PCDHA5: variants seen among roughly 807,000 people sequenced by gnomAD.
PCDHA5 encodes protocadherin alpha 5.
Under a neutral mutation model 61.6 loss-of-function variants are expected in PCDHA5, and 43 were observed. The observed-to-expected ratio is 0.70, with a 90% CI of 0.55 to 0.90. The LOEUF (loss-of-function observed/expected upper bound fraction) is 0.90, where lower values mean the gene tolerates loss of function less well. Among genes scored for constraint, PCDHA5 ranks in the 40% least tolerant of loss-of-function variants. The pLI, the probability that PCDHA5 is intolerant of heterozygous loss-of-function variation, is 0.00. For synonymous variants in PCDHA5, 627 were observed against 543.9 expected, an observed-to-expected ratio of 1.15 and a Z score of -2.13; for missense variants, 1,298 against 1,222.7, an observed-to-expected ratio of 1.06 and a Z score of -0.92.
chr5:140,839,338 AG>A (rs2150296431), intron 1 of PCDHA5, among the ~76,000 whole-genome samples: 1 of 151,246 alleles, frequency 6.6e-6, no homozygotes, highest in Non-Finnish European at 1.5e-5. Context: ...TGAAGTTGAT[AG>A]GGGATCCTCC....
chr5:140,835,433 G>A lies in PCDHA5; in HGVS notation c.2352+11306G>A, dbSNP rs2150235637. 11 of 1,613,904 alleles carry A rather than the reference G, an allele frequency of 6.8e-6. 1 individual carries two copies. The South Asian group carries it at 1.2e-4, about 18-fold the overall frequency. ...ATGTAAATGACAATGCTCCACAGTTGACTCTCACTTCCCTGTCTCTCCCTA... is the reference window on the plus strand; with the variant it reads ...ATGTAAATGACAATGCTCCACAGTTAACTCTCACTTCCCTGTCTCTCCCTA... On this transcript the variant is annotated intron_variant, in intron 1 of 3. Coordinates refer to ENST00000529859, the MANE Select transcript of PCDHA5 (RefSeq NM_018908.3).
At chr5:140,866,126 G>T (rs1435544560) in intron 1 of PCDHA5, 2 of 152,108 alleles carry the variant, frequency 1.3e-5, no homozygotes, top group African/African-American at 4.8e-5. Context: ...TAAGAACTAC[G>T]TATCTGTTGT....
At chr5:140,876,672 C>T in intron 1 of PCDHA5, 1 of 1,614,208 alleles carries the variant, frequency 6.2e-7, no homozygotes, top group Non-Finnish European at 8.5e-7. Context: ...TGGTGTCCAC[C>T]TACAAGAATT....
rs2150153657 is a variant in PCDHA5, at chr5:140,828,287, A to G, written c.2352+4160A>G. 17 of 1,613,924 alleles carry G rather than the reference A, an allele frequency of 1.1e-5. No homozygotes were observed. The highest frequency in any genetic ancestry group is 4.5e-5 in the East Asian group (2 of 44,896). On this transcript the variant is annotated intron_variant, in intron 1 of 3. Coordinates refer to ENST00000529859, the MANE Select transcript of PCDHA5 (RefSeq NM_018908.3). ...GGAGCTGGTGCCGCGCCTGTTCAGG[A>G]TGGCCTCCAAAGACCGCGAGGACCT... is the stretch of plus-strand genomic sequence containing the variant.
intron 1 of PCDHA5, among the ~76,000 whole-genome samples, chr5:140,922,316 A>T (rs983729529): frequency 6.6e-6 from 1 of 152,248 alleles, no homozygotes; most frequent in Non-Finnish European, 1.5e-5. Flanking sequence ...TTCACTGAAG[A>T]TCTTGGAAAG....
At chr5:140,864,602 A>T (rs1472168357) in intron 1 of PCDHA5, 2 of 152,210 alleles carry the variant, frequency 1.3e-5, no homozygotes, top group African/African-American at 4.8e-5. Flanking sequence ...CAGATAGCCA[A>T]CAACTTTGTT....
At chr5:140,930,675 A>G (rs1326713897) in intron 1 of PCDHA5, among the ~76,000 whole-genome samples, 2 of 152,234 alleles carry the variant, frequency 1.3e-5, no homozygotes, top group Non-Finnish European at 2.9e-5. Flanking sequence ...TATTCTAGGC[A>G]ATAAGGGGAA....
chr5:140,842,551 C>CACCAACTG, intron 1 of PCDHA5: 1 of 1,596,422 alleles, frequency 6.3e-7, no homozygotes, highest in Non-Finnish European at 8.6e-7. Flanking sequence ...TGGTGCTGGA[C>CACCAACTG]AGCGCCCTGG....
chr5:141,000,616 C>A (rs1227863226), intron 3 of PCDHA5, among the ~76,000 whole-genome samples: 1 of 150,774 alleles, frequency 6.6e-6, no homozygotes, highest in African/African-American at 2.4e-5. Context: ...TTAGTAGAGA[C>A]AGGGTTTCAC....
At chr5:140,987,938 C>G (rs2153869339) in intron 3 of PCDHA5, among the ~76,000 whole-genome samples, 1 of 152,208 alleles carries the variant, frequency 6.6e-6, no homozygotes, top group East Asian at 1.9e-4. Context: ...AGGATTCTTA[C>G]CTGTCTGACA....
intron 1 of PCDHA5, chr5:140,858,598 T>C: frequency 7.7e-7 from 1 of 1,294,926 alleles, no homozygotes; most frequent in Non-Finnish European, 1.1e-6. Context: ...TTCCAGGAGT[T>C]TTAAAATTTT....
intron 1 of PCDHA5, chr5:140,841,947 A>G (rs2150326341): frequency 2.5e-6 from 4 of 1,613,886 alleles, no homozygotes; most frequent in Admixed American, 3.3e-5. Context: ...CCTGCGCACC[A>G]CTTATTCCTG....
chr5:140,896,485 C>G (rs1259028670), intron 1 of PCDHA5, among the ~76,000 whole-genome samples: 1 of 152,032 alleles, frequency 6.6e-6, no homozygotes, highest in Non-Finnish European at 1.5e-5. Context: ...GCCTCAGCCT[C>G]CTGAGTAGCT....
chr5:140,948,349 T>C (rs1262551459), intron 1 of PCDHA5, among the ~76,000 whole-genome samples: 2 of 151,624 alleles, frequency 1.3e-5, no homozygotes, highest in African/African-American at 4.8e-5. Context: ...ATTTCTAACC[T>C]AATAAAATGA....
intron 1 of PCDHA5, among the ~76,000 whole-genome samples, chr5:140,846,743 T>C (rs1359038647): frequency 1.3e-5 from 2 of 149,312 alleles, no homozygotes; most frequent in Admixed American, 6.7e-5. Context: ...ATAGGACCCT[T>C]ACAGATCTCT....
In PCDHA5 at chr5:140,823,501, G is replaced by A. The variant is rs1554129384; in HGVS notation, c.1726G>A (p.Val576Met). The change falls in exon 1 of 4, where the codon GTG becomes ATG. Residue 576 changes from valine (V) to methionine (M), a missense_variant. Val to Met is a conservative substitution (Grantham distance 21). Transcript: ENST00000529859. Reference sequence around the variant, plus strand: ...TCGAGTGGGTGGCACCGGCGGCGCAGTGAGCGAGCTGGTGCCGAGGTCAGT... The same window carrying A: ...TCGAGTGGGTGGCACCGGCGGCGCAATGAGCGAGCTGGTGCCGAGGTCAGT... The part of the protein sequence containing the change: ...VPRVGGTGGA[V>M]SELVPRSVGA... The A allele has an allele frequency of 1.9e-6, 3 of 1,613,246 alleles. No homozygotes were observed. The highest frequency in any genetic ancestry group is 1.3e-5 in the African/African-American group (1 of 74,946).
intron 3 of PCDHA5, among the ~76,000 whole-genome samples, chr5:140,994,615 G>C (rs2097641272): frequency 6.6e-6 from 1 of 152,078 alleles, no homozygotes; most frequent in Admixed American, 6.6e-5. Context: ...TGAGGCACGA[G>C]AGTCACTTGA....
rs1049748990 is a variant in PCDHA5 at position 140,844,585 on chromosome 5, G to A, written c.2352+20458G>A. Among the ~76,000 whole-genome samples the A allele has an allele frequency of 2.7e-5, 4 of 149,128 alleles. 1 individual carries two copies. Among genetic ancestry groups the A allele is most frequent in the Non-Finnish European group, 6.0e-5 (4 of 66,698 alleles). ...TTTCAATAATATTCCACATTAAAGT[G>A]ATATTTAATATATGACTTAGAAAAA... On this transcript the variant is annotated intron_variant, in intron 1 of 3. Coordinates refer to ENST00000529859, the MANE Select transcript of PCDHA5 (RefSeq NM_018908.3).
chr5:140,968,727 G>A, intron 1 of PCDHA5: 1 of 1,614,162 alleles, frequency 6.2e-7, no homozygotes, highest in Admixed American at 1.7e-5. Context: ...GAGAGTGGTA[G>A]CACTTTCAAC....
Sources: allele counts gnomAD v4.1 joint callset (sites outside exome capture counted in the v4.1 genomes callset), GRCh38; gene constraint gnomAD v4.1.1; transcripts MANE v1.5; gene names NCBI Gene and HGNC (gene_info 2026-07-23, HGNC 2026-07-21).